The following HSPG2 variants were observed in gnomAD, a reference collection of about 807,000 sequenced individuals.
The protein encoded by HSPG2 is basement membrane-specific heparan sulfate proteoglycan core protein.
In HSPG2, 278 loss-of-function variants were observed where a neutral mutation model predicts 526.6. That is an observed-to-expected ratio of 0.53 (90% CI 0.48 to 0.58). The LOEUF (loss-of-function observed/expected upper bound fraction) is 0.58, where lower values mean the gene tolerates loss of function less well. HSPG2 is among the 20% of genes least tolerant of loss of function. The pLI, the probability that HSPG2 is intolerant of heterozygous loss-of-function variation, is 0.00. For synonymous variants in HSPG2, 2,465 were observed against 2,555.4 expected, an observed-to-expected ratio of 0.96 and a Z score of 1.07; for missense variants, 5,354 against 6,099.5, an observed-to-expected ratio of 0.88 and a Z score of 4.07.
chr1:21,861,667 A>G (rs998835419), intron 39 of HSPG2, 90 bp downstream of exon 39: 2 of 1,193,652 alleles, frequency 1.7e-6, no homozygotes, highest in African/African-American at 1.5e-5. Context: ...ATCCTAGAAG[A>G]GACTTTTCTG....
At chr1:21,934,022 C>T (rs552200005) in intron 1 of HSPG2, among the ~76,000 whole-genome samples, 51 of 152,368 alleles carry the variant, frequency 3.3e-4, no homozygotes, top group Non-Finnish European at 5.7e-4. Flanking sequence ...CTCAAGACGC[C>T]TGTCCCCTGC....
intron 81 of HSPG2, 84 bp downstream of exon 81, chr1:21,832,411 T>C: frequency 8.9e-7 from 1 of 1,122,734 alleles, no homozygotes; most frequent in South Asian, 1.2e-5. Flanking sequence ...AGATCTCCTT[T>C]GTATAATGGA....
rs553184524 is a variant in HSPG2, at chr1:21,906,167, C to T, written c.64-9857G>A. ...TGGAAGGAACTCCATACCACCTGGT[C>T]CCGCCGATGATGCCTGGGACTTTCC... is the stretch of plus-strand genomic sequence containing the variant. On this transcript the variant is annotated intron_variant, in intron 1 of 96. Transcript: ENST00000374695. 3.3e-5 allele frequency among the ~76,000 whole-genome samples: 5 copies of T among 152,368 alleles called. No individual in the cohort carries two copies. In the South Asian group the frequency reaches 8.3e-4, roughly 25 times the overall value.
chr1:21,833,480 G>C lies in HSPG2; in HGVS notation c.10965C>G (p.His3655Gln). The stretch of plus-strand genomic sequence containing the variant: ...GTGGTGTCTTACCTGGCACCTGCAG[G>C]TGGGCAAAGGCTTTGACCTTGCCCT... ...NRQGKVKAFAHLQVPERVVPY... is the reference protein window; with the variant it reads ...NRQGKVKAFAQLQVPERVVPY... Residue 3655 changes from histidine (H) to glutamine (Q), a missense_variant, in exon 79 of 97, where the codon CAC becomes CAG. His to Gln is a conservative substitution (Grantham distance 24, BLOSUM62 0). Transcript: ENST00000374695. 6.2e-7 allele frequency: 1 copy of C among 1,614,200 alleles called. No individual in the cohort carries two copies. The highest frequency in any genetic ancestry group is 2.2e-5 in the East Asian group (1 of 44,878).
intron 13 of HSPG2, among the ~76,000 whole-genome samples, chr1:21,882,754 C>A (rs977464121): frequency 2.5e-4 from 38 of 152,028 alleles, no homozygotes; most frequent in African/African-American, 8.5e-4. Context: ...GGATGGAGAG[C>A]GTACAACCTC....
intron 42 of HSPG2, among the ~76,000 whole-genome samples, chr1:21,857,979 T>C (rs1160808091): frequency 6.6e-6 from 1 of 152,076 alleles, no homozygotes; most frequent in East Asian, 1.9e-4. Flanking sequence ...AACATCAGCG[T>C]CTCCTCCTTC....
rs1325723542 is a variant in HSPG2, at chr1:21,858,302, G to T, written c.5294-917C>A. Among the ~76,000 whole-genome samples the T allele has an allele frequency of 1.3e-5, 2 of 152,120 alleles. No homozygotes were observed. The highest frequency in any genetic ancestry group is 2.9e-5 in the Non-Finnish European group (2 of 68,018). The stretch of plus-strand genomic sequence containing the variant: ...CCCTTTTCCCTCTGATTCCCATGAT[G>T]CCCCCTGTCTCTTCCTGCCTCATGG... On this transcript the variant is annotated intron_variant, in intron 42 of 96. Coordinates refer to ENST00000374695, the MANE Select transcript of HSPG2 (RefSeq NM_005529.7). This position sits in a 1 kb window ranked among gnomAD's most constrained non-coding sequence, Gnocchi z 4.2.
At position 21,839,172 on chromosome 1, in the gene HSPG2, G is replaced by C; in HGVS notation, c.9890-87C>G. ...GTTGGATCCAGTGTCCAGGGAAGCT[G>C]AATGGTGAGCCCAGAGGACTGGGGA... On this transcript the variant is annotated intron_variant, in intron 73 of 96. Coordinates refer to ENST00000374695, the MANE Select transcript of HSPG2 (RefSeq NM_005529.7). This position sits in a 1 kb window ranked among gnomAD's most constrained non-coding sequence, Gnocchi z 4.5. The C allele has an allele frequency of 6.6e-7, 1 of 1,513,378 alleles. No homozygotes were observed. Among genetic ancestry groups the C allele is most frequent in the East Asian group, 2.3e-5 (1 of 44,148 alleles). The allele number at this position is 1,513,378 out of a possible 1,614,324, so 93.7% of individuals were successfully genotyped here.
chr1:21,841,636 G>A lies in HSPG2; in HGVS notation c.9231C>T (p.Thr3077=), dbSNP rs1162586446. Residue 3077 remains threonine (T), a synonymous_variant, in exon 70 of 97, where the codon ACC becomes ACT. Transcript: ENST00000374695. ...GGTTGCTGGGCCGGGTGCCCACGAT[G>A]GTGATGATGGAGCCATTGGGACTGA... ...VHISPNGSII[T]IVGTRPSNHG... The A allele has an allele frequency of 6.2e-7, 1 of 1,614,192 alleles. No individual in the cohort carries two copies. Among genetic ancestry groups the A allele is most frequent in the Non-Finnish European group, 8.5e-7 (1 of 1,180,036 alleles).
intron 1 of HSPG2, among the ~76,000 whole-genome samples, chr1:21,935,090 A>G (rs1321273718): frequency 6.6e-6 from 1 of 150,752 alleles, no homozygotes; most frequent in Admixed American, 6.6e-5. Flanking sequence ...TATTTTCAGT[A>G]CAGATGGGGT....
chr1:21,822,494 C>CTGTCTGTTGGAGGAGTCTGTTGGAGG lies in HSPG2; in HGVS notation c.*821_*822insCCTCCAACAGACTCCTCCAACAGACA. ...CTTCCTGAGCACCAGCGGCATCCGT[C>CTGTCTGTTGGAGGAGTCTGTTGGAGG]CGTCCGTTGTCTGTTGGAGGAGTCC... On this transcript the variant is annotated 3_prime_UTR_variant, in exon 97 of 97. Coordinates refer to ENST00000374695, the MANE Select transcript of HSPG2 (RefSeq NM_005529.7). 1 of 475,488 alleles carries CTGTCTGTTGGAGGAGTCTGTTGGAGG rather than the reference C, an allele frequency of 2.1e-6. No homozygotes were observed. 29.5% of individuals were successfully genotyped at this position (475,488 alleles called of 1,614,324 possible).
rs1557743326 is a variant in HSPG2 at position 21,864,658 on chromosome 1, A to C, written c.4626+185T>G. 6.6e-6 allele frequency among the ~76,000 whole-genome samples: 1 copy of C among 152,012 alleles called. No homozygotes were observed. The highest frequency in any genetic ancestry group is 1.5e-5 in the Non-Finnish European group (1 of 67,994). On this transcript the variant is annotated intron_variant, in intron 36 of 96. Transcript: ENST00000374695. This position sits in a 1 kb window ranked among gnomAD's most constrained non-coding sequence, Gnocchi z 4.8. ...GACACACTCACCCCTCAGCACCTCT[A>C]TTTTTTTACCTGTTAAAGGGGATAA...
Position 21,890,305 on chromosome 1 carries a change from C to T in HSPG2, c.413+122G>A. 1 of 1,271,604 alleles carries T rather than the reference C, an allele frequency of 7.9e-7. No individual in the cohort carries two copies. Among genetic ancestry groups the T allele is most frequent in the Non-Finnish European group, 1.1e-6 (1 of 875,762 alleles). 78.8% of individuals were successfully genotyped at this position (1,271,604 alleles called of 1,614,324 possible). ...GATCCCCCGACCAATTCCTGAATTT[C>T]CACCCACAGCGACTCATCCCATAGG... On this transcript the variant is annotated intron_variant, in intron 5 of 96. Coordinates refer to ENST00000374695, the MANE Select transcript of HSPG2 (RefSeq NM_005529.7). The surrounding 1 kb of genome is among the most constrained non-coding windows in gnomAD (Gnocchi z 4.1).
At position 21,873,277 on chromosome 1, in the gene HSPG2, G is replaced by A. The variant is rs57424770; in HGVS notation, c.3793+98C>T. 5,570 of 1,414,664 alleles carry A rather than the reference G, an allele frequency of 3.9e-3. 186 individuals carry two copies. In the African/African-American group the frequency reaches 0.066, roughly 17 times the overall value. The allele number at this position is 1,414,664 out of a possible 1,614,324, so 87.6% of individuals were successfully genotyped here. A position where few individuals can be genotyped will look rare whatever the true frequency, so the allele number is the denominator to read the frequency against. ...ATTTTACAGATGAAGAAACAGGCTC[G>A]GACAGGCAAAGCCAAAGGGGAGTAA... On this transcript the variant is annotated intron_variant, in intron 30 of 96. Transcript: ENST00000374695.
At position 21,874,517 on chromosome 1, in the gene HSPG2, G is replaced by A. The variant is rs748529459; in HGVS notation, c.3545C>T (p.Thr1182Met). 4.9e-5 allele frequency: 79 copies of A among 1,613,462 alleles called. No homozygotes were observed. In the Middle Eastern group the frequency reaches 8.6e-4, roughly 18 times the overall value. Residue 1182 changes from threonine (T) to methionine (M), a missense_variant, in exon 28 of 97, where the codon ACG becomes ATG. Physicochemically the swap from Thr to Met is moderately conservative, Grantham distance 81. Coordinates refer to ENST00000374695, the MANE Select transcript of HSPG2 (RefSeq NM_005529.7). ...GCACTGCTCACACCGAGGGCCCTCC[G>A]TGTGATGCTGGCAGCCCTGGAGGAG... is the stretch of plus-strand genomic sequence containing the variant. ...TGACQGCQHH[T>M]EGPRCEQCQP...
chr1:21,933,294 G>A (rs141863176), intron 1 of HSPG2, among the ~76,000 whole-genome samples: 1 of 152,168 alleles, frequency 6.6e-6, no homozygotes, highest in Non-Finnish European at 1.5e-5. Flanking sequence ...CAGGTGGCAG[G>A]AGGCCGGGTG....
chr1:21,933,703 C>G (rs758634993), intron 1 of HSPG2, among the ~76,000 whole-genome samples: 10 of 152,380 alleles, frequency 6.6e-5, no homozygotes, highest in African/African-American at 2.4e-4. Flanking sequence ...GGGGGTGGTC[C>G]ATCTCTGCCC....
rs546770687 is a variant in HSPG2 at position 21,830,181 on chromosome 1, G to T, written c.11672-90C>A. ...CCAGAGGTCTGCCCATCACACCCCG[G>T]GGGGCTGGGCTAGTGAGGGCCAGGC... On this transcript the variant is annotated intron_variant, in intron 85 of 96. Transcript: ENST00000374695. 6 of 1,085,188 alleles carry T rather than the reference G, an allele frequency of 5.5e-6. No homozygotes were observed. The East Asian group carries it at 7.7e-5, about 14-fold the overall frequency. 67.2% of individuals were successfully genotyped at this position (1,085,188 alleles called of 1,614,324 possible).
chr1:21,926,787 A>AAAT (rs1644206774), intron 1 of HSPG2, among the ~76,000 whole-genome samples: 1 of 91,886 alleles, frequency 1.1e-5, no homozygotes, highest in African/African-American at 3.3e-5. Context: ...AAAAAAAAAA[A>AAAT]AGAGAGAAAG....
Sources: allele counts gnomAD v4.1 joint callset (sites outside exome capture counted in the v4.1 genomes callset), GRCh38; gene constraint gnomAD v4.1.1; non-coding constraint Gnocchi (gnomAD v3.1); transcripts MANE v1.5; gene names NCBI Gene and HGNC (gene_info 2026-07-23, HGNC 2026-07-21).